The following NTM variants were observed in gnomAD, a reference collection of about 807,000 sequenced individuals.
NTM encodes the protein IgLON family member 2.
In NTM, 13 loss-of-function variants were observed where a neutral mutation model predicts 42.1. The observed-to-expected ratio is 0.31, with a 90% CI of 0.20 to 0.49. NTM has a LOEUF of 0.49. Ranked by LOEUF, NTM falls within the 20% of genes least tolerant of loss-of-function variation. NTM has a pLI of 0.99. For synonymous variants in NTM, 187 were observed against 179.2 expected, an observed-to-expected ratio of 1.04 and a Z score of -0.35; for missense variants, 373 against 452.8, an observed-to-expected ratio of 0.82 and a Z score of 1.60.
chr11:131,451,506 G>T (rs1047918435), intron 1 of NTM, among the ~76,000 whole-genome samples: 1 of 152,138 alleles, frequency 6.6e-6, no homozygotes, highest in African/African-American at 2.4e-5. Flanking sequence ...CAGCTGGAAG[G>T]GGGTCCCATG....
At chr11:131,500,052 G>A (rs2046543171) in intron 1 of NTM, among the ~76,000 whole-genome samples, 1 of 152,216 alleles carries the variant, frequency 6.6e-6, no homozygotes, top group Non-Finnish European at 1.5e-5. Context: ...CCCTGCAAGT[G>A]TGTTGCCCTA....
intron 1 of NTM, among the ~76,000 whole-genome samples, chr11:131,521,805 CAT>C (rs992346454): frequency 6.6e-6 from 1 of 152,072 alleles, no homozygotes; most frequent in African/African-American, 2.4e-5. Flanking sequence ...GGACTCTGTG[CAT>C]ATATGAGTTG....
At chr11:132,143,266 G>C (rs2069585481) in intron 2 of NTM, among the ~76,000 whole-genome samples, 1 of 152,178 alleles carries the variant, frequency 6.6e-6, no homozygotes, top group South Asian at 2.1e-4. Context: ...GCAGCATTTG[G>C]AATTTTGTCA....
chr11:131,884,486 A>G (rs1396233135), intron 1 of NTM, among the ~76,000 whole-genome samples: 1 of 152,214 alleles, frequency 6.6e-6, no homozygotes, highest in Non-Finnish European at 1.5e-5. Context: ...CAGGTCTCAT[A>G]GCTAGAATAG....
intron 1 of NTM, among the ~76,000 whole-genome samples, chr11:131,733,336 C>G (rs981418321): frequency 2.0e-4 from 31 of 152,198 alleles, no homozygotes; most frequent in African/African-American, 7.5e-4. Flanking sequence ...TCCTCTCTTT[C>G]ATCATTTCAC....
intron 4 of NTM, among the ~76,000 whole-genome samples, chr11:132,295,325 T>C (rs1246735752): frequency 2.0e-5 from 3 of 152,210 alleles, no homozygotes; most frequent in Non-Finnish European, 4.4e-5. Context: ...TCAGCTAGTT[T>C]ATTCATTCAA....
chr11:131,959,816 T>C (rs2061947705), intron 2 of NTM, among the ~76,000 whole-genome samples: 1 of 152,184 alleles, frequency 6.6e-6, no homozygotes, highest in Non-Finnish European at 1.5e-5. Context: ...GACCTCAACA[T>C]TGTTCCCCAA....
intron 1 of NTM, among the ~76,000 whole-genome samples, chr11:131,446,614 G>A (rs1313623405): frequency 6.6e-6 from 1 of 152,164 alleles, no homozygotes; most frequent in Admixed American, 6.5e-5. Flanking sequence ...AGAGCTTCCT[G>A]GAGTCAACTG....
intron 1 of NTM, among the ~76,000 whole-genome samples, chr11:131,470,663 G>A (rs891325022): frequency 2.0e-5 from 3 of 152,168 alleles, no homozygotes; most frequent in Non-Finnish European, 4.4e-5. Context: ...TCTCCTCTGG[G>A]AGCCAGCTTT....
chr11:131,540,763 G>A (rs1003922372), intron 1 of NTM: 1 of 152,186 alleles, frequency 6.6e-6, no homozygotes, highest in African/African-American at 2.4e-5. Flanking sequence ...TCTGCACAAG[G>A]CCCTTATCTA....
intron 2 of NTM, among the ~76,000 whole-genome samples, chr11:132,134,469 G>A (rs115413615): frequency 0.016 from 2,350 of 151,288 alleles, 52 homozygotes; most frequent in African/African-American, 0.054. Context: ...TCTTTTATCC[G>A]TTGCCACCCC....
At chr11:131,552,272 G>A (rs1280377516) in intron 1 of NTM, among the ~76,000 whole-genome samples, 2 of 152,176 alleles carry the variant, frequency 1.3e-5, no homozygotes, top group Non-Finnish European at 1.5e-5. Flanking sequence ...TATCACGCAC[G>A]GCTGGAGATG....
At chr11:131,712,144 A>G (rs1306007650) in intron 1 of NTM, among the ~76,000 whole-genome samples, 3 of 148,326 alleles carry the variant, frequency 2.0e-5, no homozygotes, top group Non-Finnish European at 3.0e-5. Context: ...ATAATAAAAT[A>G]AAAAATAAAA....
intron 1 of NTM, among the ~76,000 whole-genome samples, chr11:131,671,937 G>C (rs969480726): frequency 6.6e-6 from 1 of 152,104 alleles, no homozygotes; most frequent in African/African-American, 2.4e-5. Context: ...CCTCTGTCCC[G>C]GCTCCACCTG....
chr11:131,703,643 G>T (rs1263436008), intron 1 of NTM, among the ~76,000 whole-genome samples: 1 of 152,204 alleles, frequency 6.6e-6, no homozygotes, highest in Non-Finnish European at 1.5e-5. Flanking sequence ...AGGAGCCAAA[G>T]AATCCAGATG....
At chr11:131,890,876 T>G (rs1592609963) in intron 1 of NTM, among the ~76,000 whole-genome samples, 1 of 152,156 alleles carries the variant, frequency 6.6e-6, no homozygotes, top group African/African-American at 2.4e-5. Flanking sequence ...GGATGGCAGG[T>G]CTAGGGGATT....
chr11:132,182,598 A>G (rs4611215), intron 3 of NTM, among the ~76,000 whole-genome samples: 101,210 of 151,504 alleles, frequency 0.67, 35,850 homozygotes, highest in Non-Finnish European at 0.8. Context: ...AGTAATAATG[A>G]GGGGTGAGGT....
Position 131,491,682 on chromosome 11 carries a change from C to T in NTM, c.82+120794C>T, listed in dbSNP as rs182863812. Among the ~76,000 whole-genome samples, 19 of 152,222 alleles carry T rather than the reference C, an allele frequency of 1.2e-4. No homozygotes were observed. The East Asian group carries it at 3.7e-3, about 29-fold the overall frequency. On this transcript the variant is annotated intron_variant, in intron 1 of 8. Coordinates refer to ENST00000683400, the MANE Select transcript of NTM (RefSeq NM_001352005.2). ...AGAAATCACGTTCAGTGTAAAATGA[C>T]TCATCTGTGTTGCAATTCTGGGGAG...
At chr11:131,407,653 A>G (rs1188639184) in intron 1 of NTM, among the ~76,000 whole-genome samples, 1 of 152,208 alleles carries the variant, frequency 6.6e-6, no homozygotes, top group Non-Finnish European at 1.5e-5. Context: ...TTCTGCCTTA[A>G]CTCAAATACT....
Sources: allele counts gnomAD v4.1 joint callset (sites outside exome capture counted in the v4.1 genomes callset), GRCh38; gene constraint gnomAD v4.1.1; transcripts MANE v1.5; gene names NCBI Gene and HGNC (gene_info 2026-07-23, HGNC 2026-07-21).